The following KDM4C variants were observed in gnomAD, a reference collection of about 807,000 sequenced individuals.
The protein encoded by KDM4C is lysine-specific demethylase 4C.
In KDM4C, 81 loss-of-function variants were observed where a neutral mutation model predicts 129.3. The observed-to-expected ratio is 0.63, with a 90% CI of 0.52 to 0.75. The LOEUF is 0.75. Ranked by LOEUF, KDM4C falls within the 30% of genes least tolerant of loss-of-function variation. The pLI is 0.00. For missense variants in KDM4C, 1,457 were observed against 1,304.0 expected (o/e 1.12, Z -1.81); for synonymous variants, 573 against 456.1 (o/e 1.26, Z -3.26).
chr9:7,121,334 C>T (rs1839463210), intron 18 of KDM4C, among the ~76,000 whole-genome samples: 1 of 152,182 alleles, frequency 6.6e-6, no homozygotes, highest in South Asian at 2.1e-4. Context: ...TCATCTCCAA[C>T]AGGGTAACTT....
In KDM4C at chr9:6,805,682, G is replaced by A; in HGVS notation, c.228G>A (p.Met76Ile). The change falls in exon 3 of 22, where the codon ATG (methionine) becomes ATA (isoleucine). Residue 76 changes from methionine (M) to isoleucine (I), a missense_variant. Met to Ile is a conservative substitution (Grantham distance 10). Transcript: ENST00000381309. Reference protein sequence around the residue: ...NLLIPAPIQQMVTGQSGLFTQ... With the variant: ...NLLIPAPIQQIVTGQSGLFTQ... ...TCATTCCAGCACCAATTCAGCAGATGGTCACAGGGCAGTCAGGACTGTTCA... is the reference window on the plus strand; with the variant it reads ...TCATTCCAGCACCAATTCAGCAGATAGTCACAGGGCAGTCAGGACTGTTCA... 6.2e-7 allele frequency: 1 copy of A among 1,614,078 alleles called. No individual in the cohort carries two copies. Among genetic ancestry groups the A allele is most frequent in the Non-Finnish European group, 8.5e-7 (1 of 1,179,982 alleles).
chr9:6,915,755 G>A (rs1326114316), intron 8 of KDM4C, among the ~76,000 whole-genome samples: 1 of 152,068 alleles, frequency 6.6e-6, no homozygotes, highest in Non-Finnish European at 1.5e-5. Context: ...TATAGCCTTC[G>A]AAGAACAAGG....
At chr9:7,001,808 G>A (rs1431060823) in intron 12 of KDM4C, among the ~76,000 whole-genome samples, 1 of 152,008 alleles carries the variant, frequency 6.6e-6, no homozygotes, top group Non-Finnish European at 1.5e-5. Flanking sequence ...CTTGCTTGGA[G>A]ATCTTGTTTT....
chr9:6,907,782 C>G (rs919919010), intron 8 of KDM4C, among the ~76,000 whole-genome samples: 1 of 152,154 alleles, frequency 6.6e-6, no homozygotes, highest in Non-Finnish European at 1.5e-5. Flanking sequence ...AAATGGCGTT[C>G]TTTATTCCTT....
At chr9:6,835,951 C>T (rs759133525) in intron 4 of KDM4C, among the ~76,000 whole-genome samples, 1 of 152,136 alleles carries the variant, frequency 6.6e-6, no homozygotes, top group Non-Finnish European at 1.5e-5. Flanking sequence ...GGGGAGGTTT[C>T]TTGTAAATTA....
At chr9:6,962,015 A>ATG (rs1223514158) in intron 8 of KDM4C, among the ~76,000 whole-genome samples, 1 of 152,200 alleles carries the variant, frequency 6.6e-6, no homozygotes, top group Non-Finnish European at 1.5e-5. Context: ...TGGTAACATT[A>ATG]ACTTCGTTAT....
At position 7,169,791 on chromosome 9, in the gene KDM4C, T is replaced by C. The variant is rs752986662; in HGVS notation, c.2902-7T>C. 52 of 1,596,236 alleles carry C rather than the reference T, an allele frequency of 3.3e-5. 1 individual carries two copies. The South Asian group carries it at 5.3e-4, about 16-fold the overall frequency. The stretch of plus-strand genomic sequence containing the variant: ...AATATGTATCATGTTATATTATCTT[T>C]CATTAGGTTGAGTTTGAAGATGGAT... On this transcript the variant is annotated splice_polypyrimidine_tract_variant and splice_region_variant and intron_variant, in intron 20 of 21. Transcript: ENST00000381309.
At chr9:6,983,812 A>G (rs775014824) in intron 9 of KDM4C, among the ~76,000 whole-genome samples, 2 of 152,110 alleles carry the variant, frequency 1.3e-5, no homozygotes, top group African/African-American at 4.8e-5. Context: ...CATTTTCTAA[A>G]TATTTTATTT....
rs910041450 is a variant in KDM4C, at chr9:7,052,273, C to G, written c.2424+3073C>G. 3.3e-5 allele frequency among the ~76,000 whole-genome samples: 5 copies of G among 152,084 alleles called. No homozygotes were observed. In the East Asian group the frequency reaches 5.8e-4, roughly 18 times the overall value. On this transcript the variant is annotated intron_variant, in intron 17 of 21. Coordinates refer to ENST00000381309, the MANE Select transcript of KDM4C (RefSeq NM_015061.6). ...ATCTCATTTAACAATTTAACATTAC[C>G]TGTTCTTATGGAAATTGAACAACCA...
At chr9:6,846,877 TC>T (rs1255155293) in intron 4 of KDM4C, among the ~76,000 whole-genome samples, 1 of 152,094 alleles carries the variant, frequency 6.6e-6, no homozygotes, top group African/African-American at 2.4e-5. Context: ...TATTTAGTGC[TC>T]CGAGCAACTC....
At chr9:7,049,950 A>C (rs974382560) in intron 17 of KDM4C, among the ~76,000 whole-genome samples, 1 of 152,118 alleles carries the variant, frequency 6.6e-6, no homozygotes, top group African/African-American at 2.4e-5. Context: ...TTAAAACTCT[A>C]GAATTTCCTG....
chr9:7,164,425 A>C (rs556881913), intron 19 of KDM4C, among the ~76,000 whole-genome samples: 3 of 151,842 alleles, frequency 2.0e-5, no homozygotes, highest in Non-Finnish European at 4.4e-5. Flanking sequence ...GGAGGTGGCA[A>C]TATGAAACAG....
intron 19 of KDM4C, among the ~76,000 whole-genome samples, chr9:7,160,844 A>G (rs1024313999): frequency 1.3e-5 from 2 of 152,172 alleles, no homozygotes; most frequent in African/African-American, 4.8e-5. Flanking sequence ...CCTCACTGGG[A>G]GAACCACTGC....
chr9:6,871,780 A>T (rs1842851833), intron 5 of KDM4C, among the ~76,000 whole-genome samples: 1 of 152,254 alleles, frequency 6.6e-6, no homozygotes, highest in South Asian at 2.1e-4. Context: ...TACAAGGTAG[A>T]TGAAAATGGA....
intron 15 of KDM4C, among the ~76,000 whole-genome samples, chr9:7,046,187 GAGT>G (rs200497551): frequency 0.011 from 1,698 of 152,000 alleles, 31 homozygotes; most frequent in African/African-American, 0.036. Context: ...AGTCATCTTG[GAGT>G]AGAAAATTAC....
intron 1 of KDM4C, among the ~76,000 whole-genome samples, chr9:6,786,935 G>A (rs1478392123): frequency 6.6e-6 from 1 of 152,130 alleles, no homozygotes; most frequent in Non-Finnish European, 1.5e-5. Flanking sequence ...GGGTGGTGTA[G>A]TGAAAGTTAA....
chr9:6,906,223 C>G (rs979260150), intron 8 of KDM4C, among the ~76,000 whole-genome samples: 2 of 152,048 alleles, frequency 1.3e-5, no homozygotes, highest in African/African-American at 2.4e-5. Flanking sequence ...CGTTTGCTTT[C>G]TGGAACTGAT....
At chr9:7,164,332 TG>T (rs1472818457) in intron 19 of KDM4C, among the ~76,000 whole-genome samples, 1 of 146,778 alleles carries the variant, frequency 6.8e-6, no homozygotes, top group Non-Finnish European at 1.5e-5. Context: ...CTAACTTCCC[TG>T]TCCCCCTGCC....
At chr9:7,007,135 C>T (rs969580786) in intron 12 of KDM4C, among the ~76,000 whole-genome samples, 25 of 152,168 alleles carry the variant, frequency 1.6e-4, no homozygotes, top group Admixed American at 1.6e-3. Context: ...GCCCTTTTAG[C>T]CACTGCTTAT....
Sources: gnomAD v4.1 joint callset for allele counts (sites outside exome capture counted in the v4.1 genomes callset) on GRCh38, gnomAD v4.1.1 for gene constraint, MANE v1.5 for transcripts, NCBI Gene and HGNC (gene_info 2026-07-23, HGNC 2026-07-21) for gene names.